Variants in SEMA3D observed in about 807,000 individuals in gnomAD.
SEMA3D encodes the protein semaphorin-3D.
A neutral mutation model predicts 100.1 loss-of-function variants in SEMA3D; 84 were observed. That is an observed-to-expected ratio of 0.84 (90% CI 0.70 to 1.01). The LOEUF is 1.01. SEMA3D is among the 50% of genes least tolerant of loss of function. The pLI, the probability that SEMA3D is intolerant of heterozygous loss-of-function variation, is 0.00. For missense variants in SEMA3D, 875 were observed against 934.1 expected (o/e 0.94, Z 0.82); for synonymous variants, 312 against 320.7 (o/e 0.97, Z 0.29).
chr7:85,051,125 A>G lies in SEMA3D; in HGVS notation c.861+4592T>C, dbSNP rs76931135. On this transcript the variant is annotated intron_variant, in intron 9 of 18. Coordinates refer to ENST00000284136, the MANE Select transcript of SEMA3D (RefSeq NM_001384900.1). ...CCTTCCTCAGTTATCTGTCACATCC[A>G]AATTCATATGATCTTATTAAAGCCT... 7.2e-3 allele frequency among the ~76,000 whole-genome samples: 1,096 copies of G among 151,966 alleles called. 13 individuals carry two copies. Among genetic ancestry groups the G allele is most frequent in the African/African-American group, 0.025 (1,021 of 41,494 alleles).
intron 3 of SEMA3D, among the ~76,000 whole-genome samples, chr7:85,104,161 G>T (rs754380217): frequency 6.6e-6 from 1 of 152,040 alleles, no homozygotes; most frequent in South Asian, 2.1e-4. Context: ...GGCAATGACT[G>T]ACTCATCTAA....
the SEMA3D span, among the ~76,000 whole-genome samples, chr7:85,248,377 A>G: frequency 6.6e-6 from 1 of 152,140 alleles, no homozygotes; most frequent in Admixed American, 6.5e-5. Flanking sequence ...TGATACTGGG[A>G]ATGGAAATTG....
chr7:85,008,270 C>G (rs892874213), intron 17 of SEMA3D, among the ~76,000 whole-genome samples: 2 of 151,718 alleles, frequency 1.3e-5, no homozygotes, highest in Non-Finnish European at 2.9e-5. Context: ...TGCAATTAGA[C>G]TGACTTAACC....
Position 85,059,356 on chromosome 7 carries a change from GA to G in SEMA3D, c.719-3498del, listed in dbSNP as rs375619588. On this transcript the variant is annotated intron_variant, in intron 8 of 18. Transcript: ENST00000284136. The stretch of plus-strand genomic sequence containing the variant: ...ATAAATTCTTAAGTAATTTGAATGG[GA>G]AAAATGTATAAAACTGAAACTATGC... Among the ~76,000 whole-genome samples the G allele has an allele frequency of 3.5e-4, 54 of 152,244 alleles. 1 individual carries two copies. The East Asian group carries it at 9.3e-3, about 26-fold the overall frequency.
At chr7:85,132,099 TG>T in intron 2 of SEMA3D, among the ~76,000 whole-genome samples, 1 of 152,056 alleles carries the variant, frequency 6.6e-6, no homozygotes, top group East Asian at 1.9e-4. Flanking sequence ...GATCAATTTT[TG>T]AAACTATTTT....
intron 12 of SEMA3D, chr7:85,029,067 C>A: frequency 1.9e-6 from 1 of 532,668 alleles, no homozygotes; most frequent in Non-Finnish European, 3.6e-6. Context: ...CTGTCCTCAT[C>A]AAGTGTGATG....
At chr7:85,118,109 T>C (rs911812477) in intron 3 of SEMA3D, among the ~76,000 whole-genome samples, 4 of 152,102 alleles carry the variant, frequency 2.6e-5, no homozygotes, top group African/African-American at 7.2e-5. Flanking sequence ...TCAGGTTTAC[T>C]GAATGTTGTT....
intron 12 of SEMA3D, among the ~76,000 whole-genome samples, chr7:85,031,024 G>A (rs1453044213): frequency 6.6e-6 from 1 of 152,038 alleles, no homozygotes; most frequent in Non-Finnish European, 1.5e-5. Flanking sequence ...ATCATTTGAA[G>A]TGAAGGAATT....
chr7:85,114,094 T>A (rs1583936350), intron 3 of SEMA3D, among the ~76,000 whole-genome samples: 1 of 152,290 alleles, frequency 6.6e-6, no homozygotes, highest in East Asian at 1.9e-4. Flanking sequence ...CTCAAGTCAA[T>A]AAGTTGTCAT....
At chr7:85,197,453 T>C in the SEMA3D span, among the ~76,000 whole-genome samples, 1 of 152,110 alleles carries the variant, frequency 6.6e-6, no homozygotes, top group Non-Finnish European at 1.5e-5. Flanking sequence ...ACCTATAGCC[T>C]GGAAACCCCC....
At chr7:85,122,562 AG>A (rs1365040063) in intron 2 of SEMA3D, among the ~76,000 whole-genome samples, 2 of 152,216 alleles carry the variant, frequency 1.3e-5, no homozygotes, top group Non-Finnish European at 2.9e-5. Context: ...TTTCACTGGT[AG>A]AAGCCTATAC....
the SEMA3D span, among the ~76,000 whole-genome samples, chr7:85,196,681 CA>C: frequency 6.6e-6 from 1 of 152,032 alleles, no homozygotes; most frequent in Non-Finnish European, 1.5e-5. Flanking sequence ...GGGTATTCAA[CA>C]GCTATTAGAG....
intron 9 of SEMA3D, among the ~76,000 whole-genome samples, chr7:85,054,727 A>T (rs935220972): frequency 6.6e-6 from 1 of 152,120 alleles, no homozygotes; most frequent in African/African-American, 2.4e-5. Context: ...AGATAGAAGA[A>T]AATGAAAAGT....
intron 2 of SEMA3D, among the ~76,000 whole-genome samples, chr7:85,129,424 TTA>T (rs1038314246): frequency 6.6e-6 from 1 of 152,152 alleles, no homozygotes; most frequent in African/African-American, 2.4e-5. Flanking sequence ...CTGAAAAAAA[TTA>T]GTTATGTCAA....
the SEMA3D span, among the ~76,000 whole-genome samples, chr7:85,197,897 T>C: frequency 2.0e-5 from 3 of 152,180 alleles, no homozygotes; most frequent in African/African-American, 7.2e-5. Context: ...GATGAATATA[T>C]TGTGCAAAAT....
intron 15 of SEMA3D, among the ~76,000 whole-genome samples, chr7:85,016,388 T>C (rs1486305082): frequency 6.6e-6 from 1 of 151,558 alleles, no homozygotes; most frequent in East Asian, 2.0e-4. Context: ...CTAAATCTAC[T>C]CCTCCTGCCC....
intron 2 of SEMA3D, chr7:85,144,711 C>T: frequency 3.1e-6 from 3 of 983,474 alleles, no homozygotes; most frequent in Non-Finnish European, 3.6e-6. Flanking sequence ...CTTATTTGTT[C>T]TCTTCCCCTT....
At chr7:85,039,324 T>C (rs986388257) in intron 11 of SEMA3D, among the ~76,000 whole-genome samples, 1 of 152,130 alleles carries the variant, frequency 6.6e-6, no homozygotes, top group East Asian at 1.9e-4. Context: ...TGGAGTGCAA[T>C]GGCACAACCT....
chr7:85,026,245 A>G (rs767490362), intron 12 of SEMA3D, among the ~76,000 whole-genome samples: 1 of 152,036 alleles, frequency 6.6e-6, no homozygotes, highest in Non-Finnish European at 1.5e-5. Context: ...GAACAGAACT[A>G]GAGATATCCT....
Sources: allele counts gnomAD v4.1 joint callset (sites outside exome capture counted in the v4.1 genomes callset), GRCh38; gene constraint gnomAD v4.1.1; transcripts MANE v1.5; gene names NCBI Gene and HGNC (gene_info 2026-07-23, HGNC 2026-07-21).